Variants in KCNH1 observed in about 807,000 individuals in gnomAD.
KCNH1 encodes the protein potassium voltage-gated channel subfamily H member 1, also known as voltage-gated delayed rectifier potassium channel KCNH1.
In KCNH1, 27 loss-of-function variants were observed where a neutral mutation model predicts 69.2. The ratio of observed to expected loss-of-function variants is 0.39; its 90% CI spans 0.29 to 0.54. The LOEUF (loss-of-function observed/expected upper bound fraction) is 0.54. KCNH1 is among the 20% of genes least tolerant of loss of function. The pLI, the probability that KCNH1 is intolerant of heterozygous loss-of-function variation, is 0.68. For synonymous variants in KCNH1, 456 were observed against 487.7 expected, an observed-to-expected ratio of 0.93 and a Z score of 0.86; for missense variants, 798 against 1,261.6, an observed-to-expected ratio of 0.63 and a Z score of 5.57.
At chr1:210,884,344 C>T (rs1341642985) in intron 7 of KCNH1, among the ~76,000 whole-genome samples, 1 of 152,194 alleles carries the variant, frequency 6.6e-6, no homozygotes, top group Non-Finnish European at 1.5e-5. Context: ...ACACAACTAG[C>T]ACCTGCAGCC....
chr1:210,828,429 G>A (rs139259706), intron 7 of KCNH1, among the ~76,000 whole-genome samples: 9 of 152,198 alleles, frequency 5.9e-5, no homozygotes, highest in East Asian at 3.9e-4. Context: ...ACTCCTGAAC[G>A]TTCCCATAGT....
At chr1:210,915,753 T>G (rs1165349877) in intron 7 of KCNH1, among the ~76,000 whole-genome samples, 1 of 152,190 alleles carries the variant, frequency 6.6e-6, no homozygotes, top group Non-Finnish European at 1.5e-5. Flanking sequence ...CTTGAAAATA[T>G]TTAGTTTTCC....
chr1:210,693,775 C>T (rs1681576713), intron 10 of KCNH1, among the ~76,000 whole-genome samples: 1 of 152,202 alleles, frequency 6.6e-6, no homozygotes, highest in Non-Finnish European at 1.5e-5. Flanking sequence ...AGACCAACTT[C>T]GACCTGTGGC....
At chr1:210,872,196 A>G (rs1686267967) in intron 7 of KCNH1, among the ~76,000 whole-genome samples, 1 of 151,244 alleles carries the variant, frequency 6.6e-6, no homozygotes, top group Non-Finnish European at 1.5e-5. Context: ...GATGTTAAGT[A>G]CTTTATATAG....
intron 7 of KCNH1, among the ~76,000 whole-genome samples, chr1:210,805,554 A>G (rs1684533435): frequency 6.6e-6 from 1 of 152,126 alleles, no homozygotes; most frequent in South Asian, 2.1e-4. Flanking sequence ...TTTTATATAC[A>G]TGGAATCATA....
intron 10 of KCNH1, among the ~76,000 whole-genome samples, chr1:210,701,592 A>C (rs1208265308): frequency 1.3e-5 from 2 of 151,984 alleles, no homozygotes; most frequent in Non-Finnish European, 2.9e-5. Context: ...TTTTTCTTTA[A>C]TATAACCCCT....
At chr1:211,024,937 G>A (rs1242611376) in intron 5 of KCNH1, among the ~76,000 whole-genome samples, 1 of 152,148 alleles carries the variant, frequency 6.6e-6, no homozygotes, top group Non-Finnish European at 1.5e-5. Flanking sequence ...TACCTAGCAA[G>A]AGATGGTGAC....
At chr1:210,713,525 C>A (rs1477521828) in intron 10 of KCNH1, among the ~76,000 whole-genome samples, 1 of 152,192 alleles carries the variant, frequency 6.6e-6, no homozygotes, top group East Asian at 1.9e-4. Context: ...GATGTGATCT[C>A]TTTCCTTGCT....
chr1:210,764,170 A>C (rs1290883339), intron 10 of KCNH1, among the ~76,000 whole-genome samples: 2 of 152,178 alleles, frequency 1.3e-5, no homozygotes, highest in Admixed American at 6.5e-5. Flanking sequence ...AACTATATGC[A>C]GAAGAATGAA....
intron 5 of KCNH1, among the ~76,000 whole-genome samples, chr1:211,050,951 G>A (rs1234405760): frequency 6.6e-6 from 1 of 151,956 alleles, no homozygotes; most frequent in Non-Finnish European, 1.5e-5. Flanking sequence ...TTCGATGGGA[G>A]AGAGAACAGT....
chr1:210,822,133 G>A (rs1242119078), intron 7 of KCNH1, among the ~76,000 whole-genome samples: 4 of 152,080 alleles, frequency 2.6e-5, no homozygotes, highest in Admixed American at 2.6e-4. Flanking sequence ...TATGGTCAGG[G>A]TGCTGTGAAG....
At chr1:211,037,857 T>A (rs935216120) in intron 5 of KCNH1, among the ~76,000 whole-genome samples, 3 of 152,080 alleles carry the variant, frequency 2.0e-5, no homozygotes, top group Non-Finnish European at 4.4e-5. Flanking sequence ...GGAAGGTAAG[T>A]GAATTATGGG....
At chr1:210,938,852 T>C (rs1574349745) in intron 6 of KCNH1, among the ~76,000 whole-genome samples, 1 of 152,354 alleles carries the variant, frequency 6.6e-6, no homozygotes, top group Non-Finnish European at 1.5e-5. Flanking sequence ...GATTTGACCT[T>C]ATCTCCAGAA....
At chr1:210,997,228 A>G (rs1689065799) in intron 6 of KCNH1, among the ~76,000 whole-genome samples, 1 of 152,204 alleles carries the variant, frequency 6.6e-6, no homozygotes, top group African/African-American at 2.4e-5. Flanking sequence ...TACAGGAGGA[A>G]ATTCAAACCA....
At chr1:210,728,329 C>A (rs2149029995) in intron 10 of KCNH1, among the ~76,000 whole-genome samples, 1 of 152,062 alleles carries the variant, frequency 6.6e-6, no homozygotes, top group East Asian at 1.9e-4. Context: ...CAGTGCCTGG[C>A]ACATAAGGAA....
In KCNH1 at chr1:210,934,607, C is replaced by G. The variant is rs138252220; in HGVS notation, c.1033-14538G>C. Among the ~76,000 whole-genome samples the G allele has an allele frequency of 3.3e-3, 498 of 152,072 alleles. 4 individuals are homozygous for G. The highest frequency in any genetic ancestry group is 0.011 in the African/African-American group (472 of 41,478). On this transcript the variant is annotated intron_variant, in intron 6 of 10. Coordinates refer to ENST00000271751, the MANE Select transcript of KCNH1 (RefSeq NM_172362.3). ...TGAGCCGAAAGCGTGCCACTGCACT[C>G]CAGCCTGGGTGACAGAGCAAGACTC... is the stretch of plus-strand genomic sequence containing the variant.
intron 10 of KCNH1, among the ~76,000 whole-genome samples, chr1:210,744,927 G>A (rs1379492721): frequency 6.6e-6 from 1 of 152,042 alleles, no homozygotes; most frequent in Non-Finnish European, 1.5e-5. Context: ...TGTTGGCCAG[G>A]CATGGTGGCT....
chr1:210,967,865 T>A, intron 6 of KCNH1, among the ~76,000 whole-genome samples: 1 of 150,910 alleles, frequency 6.6e-6, no homozygotes, highest in South Asian at 2.1e-4. Context: ...CTCAATTTTT[T>A]TTTCTTTTTT....
At chr1:210,813,784 G>A (rs976256362) in intron 7 of KCNH1, among the ~76,000 whole-genome samples, 3 of 152,174 alleles carry the variant, frequency 2.0e-5, no homozygotes, top group African/African-American at 7.2e-5. Context: ...TTGAATTGCA[G>A]CTACCATAAT....
Sources: gnomAD v4.1 joint callset for allele counts (sites outside exome capture counted in the v4.1 genomes callset) on GRCh38, gnomAD v4.1.1 for gene constraint, MANE v1.5 for transcripts, NCBI Gene and HGNC (gene_info 2026-07-23, HGNC 2026-07-21) for gene names.